LPIN1: variants seen among roughly 807,000 people sequenced by gnomAD.
LPIN1 encodes lipin 1, also known as phosphatidate phosphatase LPIN1.
Under a neutral mutation model 107.5 loss-of-function variants are expected in LPIN1, and 71 were observed. That is an observed-to-expected ratio of 0.66 (90% CI 0.55 to 0.80). The LOEUF is 0.80. Ranked by LOEUF, LPIN1 falls within the 30% of genes least tolerant of loss-of-function variation. The pLI, the probability that LPIN1 is intolerant of heterozygous loss-of-function variation, is 0.00. For synonymous variants in LPIN1, 445 were observed against 452.6 expected (o/e 0.98, Z 0.21); for missense variants, 1,043 against 1,160.6 (o/e 0.90, Z 1.47).
chr2:11,701,963 G>A (rs1662895480), intron 1 of LPIN1, among the ~76,000 whole-genome samples: 2 of 152,294 alleles, frequency 1.3e-5, no homozygotes, highest in Middle Eastern at 3.4e-3. Context: ...TGACGTCATT[G>A]TGCTCATCTC....
intron 7 of LPIN1, among the ~76,000 whole-genome samples, chr2:11,781,357 A>C (rs1194224191): frequency 1.3e-5 from 2 of 152,246 alleles, no homozygotes; most frequent in East Asian, 3.8e-4. Context: ...GGAAGTGCAA[A>C]TCCATCACTT....
At chr2:11,735,144 T>C (rs1665659820) in intron 1 of LPIN1, among the ~76,000 whole-genome samples, 1 of 152,022 alleles carries the variant, frequency 6.6e-6, no homozygotes, top group African/African-American at 2.4e-5. Flanking sequence ...ATACAAAAAT[T>C]AGCCGGGCAT....
At chr2:11,798,024 G>T (rs962035506) in intron 14 of LPIN1, among the ~76,000 whole-genome samples, 1 of 152,062 alleles carries the variant, frequency 6.6e-6, no homozygotes, top group Admixed American at 6.5e-5. Flanking sequence ...CTCGTGATAG[G>T]GAGTTCTCAC....
chr2:11,681,134 G>A (rs1661690494), intron 1 of LPIN1, among the ~76,000 whole-genome samples: 1 of 152,120 alleles, frequency 6.6e-6, no homozygotes, highest in African/African-American at 2.4e-5. Flanking sequence ...AGCACTGTAG[G>A]GGAAAATGCA....
intron 1 of LPIN1, among the ~76,000 whole-genome samples, chr2:11,704,494 TG>T (rs1412356826): frequency 6.6e-6 from 1 of 152,142 alleles, no homozygotes; most frequent in African/African-American, 2.4e-5. Context: ...TCACTTCTAA[TG>T]GGCAGAGATT....
chr2:11,694,584 A>G (rs1662477502), intron 1 of LPIN1, among the ~76,000 whole-genome samples: 1 of 152,152 alleles, frequency 6.6e-6, no homozygotes, highest in South Asian at 2.1e-4. Flanking sequence ...TTGCAGCGCT[A>G]TATCATAATG....
chr2:11,795,050 C>G (rs941220606), intron 13 of LPIN1, among the ~76,000 whole-genome samples: 36 of 152,154 alleles, frequency 2.4e-4, no homozygotes, highest in Non-Finnish European at 5.1e-4. Flanking sequence ...TTTCTATCAG[C>G]AATTACAAGA....
chr2:11,747,982 A>T (rs555048820), intron 1 of LPIN1, among the ~76,000 whole-genome samples: 69 of 152,308 alleles, frequency 4.5e-4, no homozygotes, highest in Non-Finnish European at 4.0e-4. Context: ...ACCCTGAGCG[A>T]GTTCTTTCAC....
At chr2:11,684,064 A>G (rs1323655711) in intron 1 of LPIN1, among the ~76,000 whole-genome samples, 2 of 152,214 alleles carry the variant, frequency 1.3e-5, no homozygotes, top group Non-Finnish European at 2.9e-5. Context: ...CATTTAGTGA[A>G]AATTCAGTGT....
chr2:11,796,508 C>T (rs960279207), intron 14 of LPIN1, among the ~76,000 whole-genome samples: 7 of 151,992 alleles, frequency 4.6e-5, no homozygotes, highest in Admixed American at 6.6e-5. Context: ...AGGGTGGAGA[C>T]GAGTGTGCGG....
At chr2:11,800,927 C>G (rs1389262462) in intron 14 of LPIN1, among the ~76,000 whole-genome samples, 1 of 152,166 alleles carries the variant, frequency 6.6e-6, no homozygotes, top group South Asian at 2.1e-4. Flanking sequence ...ATATCTTCTT[C>G]CATTTAACGG....
At chr2:11,821,562 G>A (rs1000773704) in intron 20 of LPIN1, among the ~76,000 whole-genome samples, 2 of 152,202 alleles carry the variant, frequency 1.3e-5, no homozygotes, top group African/African-American at 4.8e-5. Flanking sequence ...GATAGCCCGA[G>A]GGGTTCCTCT....
At chr2:11,806,254 G>A (rs1427790710) in intron 17 of LPIN1, among the ~76,000 whole-genome samples, 1 of 152,200 alleles carries the variant, frequency 6.6e-6, no homozygotes, top group East Asian at 1.9e-4. Context: ...TGTGAACACA[G>A]ATGAATGAAC....
intron 1 of LPIN1, among the ~76,000 whole-genome samples, chr2:11,733,507 T>TTTG (rs1182448353): frequency 6.6e-6 from 1 of 152,016 alleles, no homozygotes; most frequent in Non-Finnish European, 1.5e-5. Flanking sequence ...CTCTTTTTTT[T>TTTG]TTTTTTGACA....
upstream of LPIN1, chr2:11,746,574 C>A: frequency 1.1e-6 from 1 of 902,934 alleles, no homozygotes; most frequent in Non-Finnish European, 1.3e-6. Context: ...CTGCCCTCTG[C>A]CCCCGCCCCT....
chr2:11,700,532 C>T (rs756139915), intron 1 of LPIN1, among the ~76,000 whole-genome samples: 26 of 152,184 alleles, frequency 1.7e-4, no homozygotes, highest in Non-Finnish European at 3.2e-4. Context: ...TCCCACTCTC[C>T]ACCCCTATGG....
At chr2:11,738,106 G>A (rs1024358907) in intron 1 of LPIN1, among the ~76,000 whole-genome samples, 3 of 152,096 alleles carry the variant, frequency 2.0e-5, no homozygotes, top group Non-Finnish European at 4.4e-5. Flanking sequence ...GAAGCTGGAA[G>A]CCATCATTCT....
intron 10 of LPIN1, among the ~76,000 whole-genome samples, chr2:11,785,297 G>T (rs775223718): frequency 5.0e-4 from 76 of 152,366 alleles, no homozygotes; most frequent in Non-Finnish European, 2.2e-4. Flanking sequence ...ATCGTTGTGT[G>T]TCTCCTGTGC....
chr2:11,711,081 C>T (rs1403798256), intron 1 of LPIN1, among the ~76,000 whole-genome samples: 1 of 152,188 alleles, frequency 6.6e-6, no homozygotes, highest in East Asian at 1.9e-4. Context: ...CAAATCCAAA[C>T]ACTGTGAATT....
Sources: gnomAD v4.1 joint callset for allele counts (sites outside exome capture counted in the v4.1 genomes callset) on GRCh38, gnomAD v4.1.1 for gene constraint, MANE v1.5 for transcripts, NCBI Gene and HGNC (gene_info 2026-07-23, HGNC 2026-07-21) for gene names.